Variants in ADCY2 observed in about 807,000 individuals in gnomAD.
The protein encoded by ADCY2 is adenylate cyclase 2, also known as adenylate cyclase type 2.
Under a neutral mutation model 125.2 loss-of-function variants are expected in ADCY2, and 31 were observed. That is an observed-to-expected ratio of 0.25 (90% confidence interval 0.19 to 0.33). ADCY2 has a LOEUF of 0.33. Ranked by LOEUF, ADCY2 falls within the 10% of genes least tolerant of loss-of-function variation. The pLI, the probability that ADCY2 is intolerant of heterozygous loss-of-function variation, is 1.00. For missense variants in ADCY2, 904 were observed against 1,418.2 expected (o/e 0.64, Z 5.82); for synonymous variants, 512 against 548.4 (o/e 0.93, Z 0.93).
chr5:7,741,583 C>CT (rs1742408709), intron 14 of ADCY2, among the ~76,000 whole-genome samples: 2 of 7,424 alleles, frequency 2.7e-4, no homozygotes, highest in South Asian at 3.9e-3. Context: ...CATCACCATC[C>CT]CTATCACCAT....
chr5:7,727,075 C>T (rs768759722), intron 13 of ADCY2, 89 bp from the exon 14 acceptor site: 103 of 908,166 alleles, frequency 1.1e-4, no homozygotes, highest in Non-Finnish European at 1.7e-4. Flanking sequence ...GAGTGTGGTG[C>T]ATGCTCTGGG....
At chr5:7,783,276 G>C (rs983062885) in intron 18 of ADCY2, among the ~76,000 whole-genome samples, 1 of 152,012 alleles carries the variant, frequency 6.6e-6, no homozygotes, top group Non-Finnish European at 1.5e-5. Context: ...GTATCATTTG[G>C]AAAGAGTTTC....
At chr5:7,415,173 C>T (rs1235316301) in intron 2 of ADCY2, among the ~76,000 whole-genome samples, 1 of 152,132 alleles carries the variant, frequency 6.6e-6, no homozygotes, top group Non-Finnish European at 1.5e-5. Context: ...TTGAAATATA[C>T]AATACATTAT....
At chr5:7,651,238 A>G (rs943084414) in intron 4 of ADCY2, among the ~76,000 whole-genome samples, 4 of 152,158 alleles carry the variant, frequency 2.6e-5, no homozygotes, top group Non-Finnish European at 5.9e-5. Flanking sequence ...TTTTGATTTC[A>G]TGTCTGTATT....
At position 7,773,227 on chromosome 5, in the gene ADCY2, C is replaced by A. The variant is rs118153685; in HGVS notation, c.2384+126C>A. 62 of 1,039,768 alleles carry A rather than the reference C, an allele frequency of 6.0e-5. No homozygotes were observed. The South Asian group carries it at 1.0e-3, about 17-fold the overall frequency. 64.4% of individuals were successfully genotyped at this position (1,039,768 alleles called of 1,614,324 possible). The stretch of plus-strand genomic sequence containing the variant: ...TTGATAAATCATTCTGAGAGAATTT[C>A]TTTGAAGTGATGCCTCAGAAAGACA... On this transcript the variant is annotated intron_variant, in intron 18 of 24. Coordinates refer to ENST00000338316, the MANE Select transcript of ADCY2 (RefSeq NM_020546.3).
In ADCY2 at chr5:7,396,291, G is replaced by T. The variant is rs1192880528; in HGVS notation, c.-6G>T. 1.5e-6 allele frequency: 2 copies of T among 1,319,116 alleles called. No homozygotes were observed. Among genetic ancestry groups the T allele is most frequent in the South Asian group, 3.5e-5 (2 of 57,376 alleles). 81.7% of individuals were successfully genotyped at this position (1,319,116 alleles called of 1,614,324 possible). On this transcript the variant is annotated 5_prime_UTR_variant, in exon 1 of 25. Coordinates refer to ENST00000338316, the MANE Select transcript of ADCY2 (RefSeq NM_020546.3). The surrounding 1 kb of genome is among the most constrained non-coding windows in gnomAD (Gnocchi z 5.7). Reference sequence around the variant, plus strand: ...GCGCACGGCGGGCGCCCTGTGAGCGGCCCCGATGTGGCAGGAGGCGATGCG... The same window carrying T: ...GCGCACGGCGGGCGCCCTGTGAGCGTCCCCGATGTGGCAGGAGGCGATGCG...
At chr5:7,592,119 T>C (rs1736865356) in intron 3 of ADCY2, among the ~76,000 whole-genome samples, 1 of 152,256 alleles carries the variant, frequency 6.6e-6, no homozygotes, top group South Asian at 2.1e-4. Flanking sequence ...TATGGCTCTT[T>C]CTTCTTATTG....
chr5:7,758,094 C>A (rs771687671), intron 16 of ADCY2, among the ~76,000 whole-genome samples: 8 of 152,204 alleles, frequency 5.3e-5, no homozygotes, highest in Non-Finnish European at 8.8e-5. Context: ...CCCCGTCTCA[C>A]CAGCTGCACG....
At chr5:7,530,544 T>C (rs1431704191) in intron 3 of ADCY2, among the ~76,000 whole-genome samples, 2 of 152,108 alleles carry the variant, frequency 1.3e-5, no homozygotes, top group Non-Finnish European at 2.9e-5. Context: ...TATGACCCAC[T>C]GCCGCGAAGC....
At chr5:7,776,996 C>A (rs979772235) in intron 18 of ADCY2, among the ~76,000 whole-genome samples, 2 of 152,006 alleles carry the variant, frequency 1.3e-5, no homozygotes, top group Non-Finnish European at 2.9e-5. Context: ...TTGCAGACGG[C>A]CTGTCATGGG....
At chr5:7,661,941 C>A (rs989146648) in intron 4 of ADCY2, among the ~76,000 whole-genome samples, 3 of 152,106 alleles carry the variant, frequency 2.0e-5, no homozygotes, top group Non-Finnish European at 4.4e-5. Flanking sequence ...ATGATATCTC[C>A]ATAGCATGTT....
At chr5:7,495,359 G>C (rs1223237999) in intron 2 of ADCY2, among the ~76,000 whole-genome samples, 2 of 152,158 alleles carry the variant, frequency 1.3e-5, no homozygotes, top group African/African-American at 2.4e-5. Context: ...AAGCTCTTTT[G>C]TTTGGAAGAC....
intron 2 of ADCY2, among the ~76,000 whole-genome samples, chr5:7,428,338 C>T (rs2126368605): frequency 6.6e-6 from 1 of 152,256 alleles, no homozygotes; most frequent in East Asian, 1.9e-4. Context: ...TAAGTGGCTG[C>T]TTATCTTTGT....
chr5:7,685,811 A>C (rs1740503933), intron 4 of ADCY2, among the ~76,000 whole-genome samples: 1 of 152,164 alleles, frequency 6.6e-6, no homozygotes, highest in African/African-American at 2.4e-5. Flanking sequence ...GTTGATGGAC[A>C]ACTAGCTTTT....
intron 2 of ADCY2, among the ~76,000 whole-genome samples, chr5:7,417,518 A>G (rs1458617538): frequency 6.6e-6 from 1 of 152,230 alleles, no homozygotes; most frequent in Non-Finnish European, 1.5e-5. Context: ...AAGTGGCATC[A>G]GATGTTTAAC....
At chr5:7,762,383 G>A (rs1461063678) in intron 16 of ADCY2, among the ~76,000 whole-genome samples, 1 of 152,230 alleles carries the variant, frequency 6.6e-6, no homozygotes, top group Non-Finnish European at 1.5e-5. Context: ...GGCCACACCT[G>A]AGGATCTGCA....
chr5:7,589,551 GAGGA>G (rs1215053874), intron 3 of ADCY2, among the ~76,000 whole-genome samples: 20 of 142,392 alleles, frequency 1.4e-4, no homozygotes, highest in African/African-American at 2.3e-4. Flanking sequence ...GGGAGGGAAG[GAGGA>G]AGGAAGGAAG....
intron 4 of ADCY2, among the ~76,000 whole-genome samples, chr5:7,638,370 T>A (rs1738578286): frequency 6.6e-6 from 1 of 152,186 alleles, no homozygotes; most frequent in African/African-American, 2.4e-5. Flanking sequence ...AGCCCGCACC[T>A]ATGACCTCTG....
chr5:7,518,326 G>T (rs1744322926), intron 2 of ADCY2, among the ~76,000 whole-genome samples: 1 of 152,148 alleles, frequency 6.6e-6, no homozygotes, highest in African/African-American at 2.4e-5. Context: ...TGCCTGTGTA[G>T]ATAGAGCATC....
Sources: allele counts gnomAD v4.1 joint callset (sites outside exome capture counted in the v4.1 genomes callset), GRCh38; gene constraint gnomAD v4.1.1; non-coding constraint Gnocchi (gnomAD v3.1); transcripts MANE v1.5; gene names NCBI Gene and HGNC (gene_info 2026-07-23, HGNC 2026-07-21).